Variants in PTPRD observed in about 807,000 individuals in gnomAD.
PTPRD encodes protein tyrosine phosphatase receptor type D, also known as receptor-type tyrosine-protein phosphatase delta.
In PTPRD, 34 loss-of-function variants were observed where a neutral mutation model predicts 214.5. The observed-to-expected ratio is 0.16, with a 90% CI of 0.12 to 0.21. PTPRD has a LOEUF of 0.21. Ranked by LOEUF, PTPRD falls within the 10% of genes least tolerant of loss-of-function variation. PTPRD has a pLI of 1.00. For missense variants in PTPRD, 2,545 were observed against 2,398.7 expected (o/e 1.06, Z -1.27); for synonymous variants, 1,128 against 845.7 (o/e 1.33, Z -5.79).
chr9:10,366,139 T>C (rs1277478295), intron 2 of PTPRD, among the ~76,000 whole-genome samples: 1 of 152,172 alleles, frequency 6.6e-6, no homozygotes. Context: ...AGGCTCATCT[T>C]TGGTTGAAAC....
intron 9 of PTPRD, among the ~76,000 whole-genome samples, chr9:9,250,963 C>G (rs2131571880): frequency 6.6e-6 from 1 of 152,138 alleles, no homozygotes; most frequent in East Asian, 1.9e-4. Flanking sequence ...CTTTCCTGAT[C>G]AGAAAGCATG....
intron 5 of PTPRD, among the ~76,000 whole-genome samples, chr9:9,889,788 AGT>A (rs138586181): frequency 0.017 from 2,514 of 145,522 alleles, 19 homozygotes; most frequent in Non-Finnish European, 0.02. Flanking sequence ...GTTCCTGCTG[AGT>A]GTGTGTGTGT....
intron 4 of PTPRD, among the ~76,000 whole-genome samples, chr9:10,029,975 C>T (rs925642880): frequency 3.3e-5 from 5 of 152,186 alleles, no homozygotes; most frequent in Admixed American, 6.5e-5. Context: ...GTGCTGTTCT[C>T]CTGATAGTAA....
In PTPRD at chr9:10,332,726, A is replaced by G. The variant is rs1055946159; in HGVS notation, c.-545+8237T>C. On this transcript the variant is annotated intron_variant, in intron 3 of 45. Transcript: ENST00000381196. ...TAAAGTAAGTTTTTCAAGGTCACAC[A>G]ATTAATAAACAACAGAGCTGCATTC... 5.3e-5 allele frequency among the ~76,000 whole-genome samples: 8 copies of G among 151,788 alleles called. No individual in the cohort carries two copies. In the East Asian group the frequency reaches 1.4e-3, roughly 26 times the overall value.
intron 11 of PTPRD, among the ~76,000 whole-genome samples, chr9:8,828,875 T>C (rs1265400217): frequency 6.6e-6 from 1 of 152,286 alleles, no homozygotes; most frequent in South Asian, 2.1e-4. Flanking sequence ...GCAGATTTGT[T>C]ATTATTTTAA....
chr9:9,521,717 A>G (rs1039705804), intron 8 of PTPRD, among the ~76,000 whole-genome samples: 5 of 152,192 alleles, frequency 3.3e-5, no homozygotes, highest in African/African-American at 1.2e-4. Context: ...AGTTCTACTA[A>G]AAAAGGAAAA....
chr9:8,956,244 C>T (rs563913034), intron 11 of PTPRD, among the ~76,000 whole-genome samples: 43 of 151,830 alleles, frequency 2.8e-4, no homozygotes, highest in African/African-American at 1.0e-3. Flanking sequence ...GAGAAACAGC[C>T]ATGAATAAAG....
chr9:10,396,152 C>A (rs190188600), intron 2 of PTPRD, among the ~76,000 whole-genome samples: 1 of 152,038 alleles, frequency 6.6e-6, no homozygotes, highest in East Asian at 2.0e-4. Flanking sequence ...CCTTTTTATA[C>A]TCTATGTAAT....
intron 37 of PTPRD, among the ~76,000 whole-genome samples, chr9:8,387,165 A>G (rs1433487652): frequency 6.6e-6 from 1 of 152,194 alleles, no homozygotes; most frequent in Non-Finnish European, 1.5e-5. Context: ...AACTTGCAAG[A>G]GCAAAGAGTA....
At chr9:9,480,949 G>A (rs1004263471) in intron 8 of PTPRD, among the ~76,000 whole-genome samples, 2 of 152,016 alleles carry the variant, frequency 1.3e-5, no homozygotes, top group Non-Finnish European at 2.9e-5. Flanking sequence ...CCACTACCTG[G>A]GTCAACTTGG....
chr9:10,301,357 T>C (rs879280334), intron 3 of PTPRD, among the ~76,000 whole-genome samples: 1 of 152,174 alleles, frequency 6.6e-6, no homozygotes, highest in African/African-American at 2.4e-5. Context: ...AGAACTCTTC[T>C]TCTCCTACAA....
intron 5 of PTPRD, among the ~76,000 whole-genome samples, chr9:9,803,975 C>G (rs1489826629): frequency 1.3e-5 from 2 of 152,004 alleles, no homozygotes; most frequent in East Asian, 1.9e-4. Flanking sequence ...AGTTCTCTTA[C>G]TGGAGCAATG....
At chr9:9,655,693 A>G (rs1207993951) in intron 7 of PTPRD, among the ~76,000 whole-genome samples, 1 of 150,984 alleles carries the variant, frequency 6.6e-6, no homozygotes, top group Non-Finnish European at 1.5e-5. Flanking sequence ...AATAAATGAA[A>G]AGAGCTGGGT....
At chr9:8,624,000 G>A (rs2095914306) in intron 14 of PTPRD, among the ~76,000 whole-genome samples, 1 of 151,868 alleles carries the variant, frequency 6.6e-6, no homozygotes, top group African/African-American at 2.4e-5. Flanking sequence ...TATATCTAAT[G>A]TTACATTTTC....
intron 2 of PTPRD, among the ~76,000 whole-genome samples, chr9:10,499,878 C>G (rs914449996): frequency 6.6e-6 from 1 of 151,814 alleles, no homozygotes; most frequent in Admixed American, 6.6e-5. Context: ...ATAGATATAT[C>G]TTTTTAAAAA....
At chr9:10,463,373 T>C (rs567835903) in intron 2 of PTPRD, among the ~76,000 whole-genome samples, 3 of 152,096 alleles carry the variant, frequency 2.0e-5, no homozygotes, top group South Asian at 2.1e-4. Flanking sequence ...ACCAATTTAA[T>C]AGAGAGAGAC....
At chr9:9,341,395 T>C (rs931071847) in intron 9 of PTPRD, among the ~76,000 whole-genome samples, 1 of 152,084 alleles carries the variant, frequency 6.6e-6, no homozygotes, top group Non-Finnish European at 1.5e-5. Flanking sequence ...AGGGCGCAGG[T>C]GTCTGTTAGT....
At chr9:9,796,371 G>C (rs544435865) in intron 5 of PTPRD, among the ~76,000 whole-genome samples, 8 of 152,260 alleles carry the variant, frequency 5.3e-5, no homozygotes, top group African/African-American at 1.9e-4. Flanking sequence ...CTCAATTTTA[G>C]ATATGTGCTG....
intron 14 of PTPRD, among the ~76,000 whole-genome samples, chr9:8,569,437 T>C (rs148141873): frequency 3.9e-5 from 6 of 152,268 alleles, no homozygotes; most frequent in Non-Finnish European, 5.9e-5. Flanking sequence ...AGAACTTTAC[T>C]AACCTCTACC....
Sources: gnomAD v4.1 joint callset for allele counts (sites outside exome capture counted in the v4.1 genomes callset) on GRCh38, gnomAD v4.1.1 for gene constraint, MANE v1.5 for transcripts, NCBI Gene and HGNC (gene_info 2026-07-23, HGNC 2026-07-21) for gene names.